Variants in UIMC1 observed in about 807,000 individuals in gnomAD.
UIMC1 encodes BRCA1-A complex subunit RAP80.
A neutral mutation model predicts 84.9 loss-of-function variants in UIMC1; 42 were observed. The observed-to-expected ratio is 0.49, with a 90% CI of 0.39 to 0.64. The LOEUF is 0.64. Ranked by LOEUF, UIMC1 falls within the 30% of genes least tolerant of loss-of-function variation. The probability of loss-of-function intolerance (pLI) is 0.00; values close to 1 mark genes in which losing one functional copy is unlikely to be tolerated. For synonymous variants in UIMC1, 281 were observed against 293.0 expected (o/e 0.96, Z 0.42); for missense variants, 825 against 847.6 (o/e 0.97, Z 0.33).
At chr5:176,940,751 C>T (rs1255863218) in intron 10 of UIMC1, among the ~76,000 whole-genome samples, 1 of 152,172 alleles carries the variant, frequency 6.6e-6, no homozygotes, top group Non-Finnish European at 1.5e-5. Context: ...AAATCTCTGA[C>T]ATAGTAATTT....
chr5:176,929,804 TGAA>T (rs1401996432), intron 10 of UIMC1, among the ~76,000 whole-genome samples: 2 of 152,160 alleles, frequency 1.3e-5, no homozygotes, highest in Admixed American at 1.3e-4. Context: ...CACTGTCTTT[TGAA>T]GAAAGTGGTA....
At chr5:176,916,588 A>G (rs1326126865) in intron 10 of UIMC1, among the ~76,000 whole-genome samples, 1 of 152,206 alleles carries the variant, frequency 6.6e-6, no homozygotes, top group Admixed American at 6.5e-5. Context: ...TTTAACCTTA[A>G]TGAGTTTTGC....
chr5:176,980,880 A>G (rs1263674410), intron 2 of UIMC1, among the ~76,000 whole-genome samples: 1 of 152,068 alleles, frequency 6.6e-6, no homozygotes, highest in African/African-American at 2.4e-5. Flanking sequence ...ATCTGGGACT[A>G]CAGGCACACG....
At chr5:176,919,379 A>G (rs1761423563) in intron 10 of UIMC1, 1 of 160,222 alleles carries the variant, frequency 6.2e-6, no homozygotes, top group Non-Finnish European at 1.4e-5. Flanking sequence ...CCTTTGATGC[A>G]CAGAAGTTTT....
intron 9 of UIMC1, among the ~76,000 whole-genome samples, chr5:176,948,655 A>G (rs1765436378): frequency 6.6e-6 from 1 of 152,232 alleles, no homozygotes; most frequent in Non-Finnish European, 1.5e-5. Flanking sequence ...TTGTATCCCA[A>G]GAGTCTAAAA....
At chr5:176,953,495 T>TACACACACACACACACACAC (rs137955830) in intron 8 of UIMC1, among the ~76,000 whole-genome samples, 1,630 of 136,946 alleles carry the variant, frequency 0.012, 35 homozygotes, top group African/African-American at 0.031. Flanking sequence ...ACTGGACACA[T>TACACACACACACACACACAC]ACACACACAC....
At chr5:176,975,823 C>A (rs1419817289) in intron 2 of UIMC1, among the ~76,000 whole-genome samples, 28 of 152,000 alleles carry the variant, frequency 1.8e-4, no homozygotes, top group African/African-American at 6.5e-4. Context: ...TTAAACTCAG[C>A]GTGTATTCAT....
chr5:176,917,917 T>A (rs1454295397), intron 10 of UIMC1, among the ~76,000 whole-genome samples: 1 of 152,126 alleles, frequency 6.6e-6, no homozygotes, highest in East Asian at 1.9e-4. Context: ...CGAGATCATG[T>A]CATTGCACTC....
chr5:176,908,418 G>C, intron 12 of UIMC1, 105 bp downstream of exon 12: 1 of 1,134,696 alleles, frequency 8.8e-7, no homozygotes, highest in Non-Finnish European at 1.2e-6. Context: ...ATAAATAGAG[G>C]GAAGAGGGGA....
At chr5:176,986,682 A>C (rs1249330459) in intron 1 of UIMC1, among the ~76,000 whole-genome samples, 1 of 152,054 alleles carries the variant, frequency 6.6e-6, no homozygotes, top group Non-Finnish European at 1.5e-5. Flanking sequence ...CTCTACAAAA[A>C]ATTAAAAAAT....
At chr5:176,918,074 G>A (rs1454477950) in intron 10 of UIMC1, among the ~76,000 whole-genome samples, 1 of 152,222 alleles carries the variant, frequency 6.6e-6, no homozygotes, top group Admixed American at 6.5e-5. Context: ...TTCTATCATT[G>A]CACAAGTTCC....
intron 10 of UIMC1, among the ~76,000 whole-genome samples, chr5:176,914,069 T>TACCAC (rs1271468882): frequency 1.5e-4 from 21 of 144,496 alleles, no homozygotes; most frequent in East Asian, 7.8e-4. Flanking sequence ...TACCATACCA[T>TACCAC]ACCACACCAC....
intron 1 of UIMC1, chr5:177,002,121 AAAAAAAAAAAC>A (rs1394912905): frequency 1.3e-5 from 2 of 151,158 alleles, no homozygotes; most frequent in African/African-American, 2.4e-5. Context: ...ACTGTCTCAA[AAAAAAAAAAAC>A]AAAAAAAAAA....
At chr5:176,934,075 T>A (rs1581435674) in intron 10 of UIMC1, among the ~76,000 whole-genome samples, 2 of 152,096 alleles carry the variant, frequency 1.3e-5, no homozygotes, top group East Asian at 3.9e-4. Context: ...AAATTTGAGA[T>A]CCTATTCAGA....
At chr5:176,945,382 G>A (rs1323806437) in intron 9 of UIMC1, among the ~76,000 whole-genome samples, 1 of 152,222 alleles carries the variant, frequency 6.6e-6, no homozygotes, top group African/African-American at 2.4e-5. Flanking sequence ...GCCAAGGCAT[G>A]TAGGGAGACT....
At chr5:176,992,724 T>A (rs1170759913) in intron 1 of UIMC1, among the ~76,000 whole-genome samples, 1 of 151,956 alleles carries the variant, frequency 6.6e-6, no homozygotes, top group Non-Finnish European at 1.5e-5. Flanking sequence ...AAGAATCACC[T>A]GAACCAGGGA....
rs748669621 is a variant in UIMC1, at chr5:176,969,223, C to G, written c.532G>C (p.Glu178Gln). ...SHISQGNEAE[E>Q]REEPWDHTEK... Reference sequence around the variant, plus strand: ...GTGTGGTCCCAAGGCTCCTCTCTTTCCTCAGCCTCGTTTCCCTGACTGATA... The same window carrying G: ...GTGTGGTCCCAAGGCTCCTCTCTTTGCTCAGCCTCGTTTCCCTGACTGATA... The change falls in exon 6 of 15, where the codon GAA becomes CAA. Residue 178 changes from glutamate (E) to glutamine (Q), a missense_variant. Glu to Gln is a conservative substitution (Grantham distance 29). Transcript: ENST00000511320. 15 of 1,614,092 alleles carry G rather than the reference C, an allele frequency of 9.3e-6. No homozygotes were observed. The highest frequency in any genetic ancestry group is 1.7e-6 in the Non-Finnish European group (2 of 1,180,044).
intron 10 of UIMC1, among the ~76,000 whole-genome samples, chr5:176,926,255 T>C (rs765079349): frequency 1.3e-5 from 2 of 152,014 alleles, no homozygotes; most frequent in Non-Finnish European, 2.9e-5. Context: ...TGAATGTGGA[T>C]TGTATACTAG....
intron 10 of UIMC1, among the ~76,000 whole-genome samples, chr5:176,914,316 C>T (rs1236623326): frequency 2.6e-5 from 4 of 152,176 alleles, no homozygotes; most frequent in Non-Finnish European, 5.9e-5. Flanking sequence ...GACAACCATA[C>T]TTTCTACATC....
Sources: gnomAD v4.1 joint callset for allele counts (sites outside exome capture counted in the v4.1 genomes callset) on GRCh38, gnomAD v4.1.1 for gene constraint, MANE v1.5 for transcripts, NCBI Gene and HGNC (gene_info 2026-07-23, HGNC 2026-07-21) for gene names.